CCDC186: variants seen among roughly 807,000 people sequenced by gnomAD.
CCDC186 encodes the protein coiled-coil domain containing 186.
Under a neutral mutation model 113.7 loss-of-function variants are expected in CCDC186, and 49 were observed. The observed-to-expected ratio is 0.43, with a 90% CI of 0.34 to 0.55. CCDC186 has a LOEUF of 0.55. Among genes scored for constraint, CCDC186 ranks in the 20% least tolerant of loss-of-function variants. The pLI, the probability that CCDC186 is intolerant of heterozygous loss-of-function variation, is 0.02. For missense variants in CCDC186, 890 were observed against 1,011.1 expected (o/e 0.88, Z 1.62); for synonymous variants, 355 against 345.8 (o/e 1.03, Z -0.30).
intron 2 of CCDC186, among the ~76,000 whole-genome samples, chr10:114,159,773 C>G (rs1037977831): frequency 6.6e-6 from 1 of 150,924 alleles, no homozygotes; most frequent in Non-Finnish European, 1.5e-5. Flanking sequence ...TGGGCAACAT[C>G]GTGAAACCCC....
chr10:114,139,120 G>C (rs1194493650), intron 6 of CCDC186, among the ~76,000 whole-genome samples: 2 of 151,872 alleles, frequency 1.3e-5, no homozygotes, highest in East Asian at 3.9e-4. Context: ...ACTACTATCT[G>C]TTGAATTAAT....
At chr10:114,173,298 A>C (rs2032571520) in intron 1 of CCDC186, 2 of 446,682 alleles carry the variant, frequency 4.5e-6, no homozygotes, top group Non-Finnish European at 9.0e-6. Flanking sequence ...TATTAGGTGA[A>C]GTTGTTAAAC....
chr10:114,158,669 T>C (rs2032080160), intron 2 of CCDC186, among the ~76,000 whole-genome samples: 3 of 152,092 alleles, frequency 2.0e-5, no homozygotes, highest in African/African-American at 4.8e-5. Context: ...ACTGCACTCC[T>C]GCCTGGGCAA....
chr10:114,128,891 T>C (rs1271070347), intron 13 of CCDC186, among the ~76,000 whole-genome samples: 2 of 152,162 alleles, frequency 1.3e-5, no homozygotes, highest in Admixed American at 1.3e-4. Context: ...TTCTTGGGTG[T>C]TAAAAGAAAA....
At position 114,137,261 on chromosome 10, in the gene CCDC186, T is replaced by A. The variant is rs1339033040; in HGVS notation, c.1251A>T (p.Thr417=). The part of the protein sequence containing the change: ...KETKDKLKET[T]TKLTQAKEEA... ...CTTCCTTTGCTTGTGTTAATTTTGT[T>A]GTTGTTTCTTTGAGTTTATCTTTGG... is the stretch of plus-strand genomic sequence containing the variant. The change falls in exon 7 of 16, where the codon ACA becomes ACT. Residue 417 remains threonine (T), a synonymous_variant. Transcript: ENST00000369287. The A allele has an allele frequency of 6.2e-7, 1 of 1,613,588 alleles. No homozygotes were observed. The highest frequency in any genetic ancestry group is 8.5e-7 in the Non-Finnish European group (1 of 1,179,976).
intron 1 of CCDC186, chr10:114,165,846 T>A: frequency 4.1e-6 from 1 of 246,028 alleles, no homozygotes; most frequent in Non-Finnish European, 4.7e-6. Context: ...AGACACTTTG[T>A]CTCAAAAAAA....
At chr10:114,130,420 T>C (rs1343823797) in intron 12 of CCDC186, 3 of 155,218 alleles carry the variant, frequency 1.9e-5, no homozygotes, top group African/African-American at 4.8e-5. Flanking sequence ...TGAGAAATAG[T>C]AGAGAATAGG....
At chr10:114,146,695 G>A (rs994898713) in intron 4 of CCDC186, among the ~76,000 whole-genome samples, 3 of 152,100 alleles carry the variant, frequency 2.0e-5, no homozygotes, top group Non-Finnish European at 4.4e-5. Flanking sequence ...TGCAAATATG[G>A]TGAAGCACAC....
At chr10:114,137,644 T>C (rs532627850) in intron 6 of CCDC186, among the ~76,000 whole-genome samples, 2 of 152,288 alleles carry the variant, frequency 1.3e-5, no homozygotes, top group East Asian at 3.9e-4. Flanking sequence ...GGCTCACGCC[T>C]GTAATTCCAG....
intron 1 of CCDC186, among the ~76,000 whole-genome samples, chr10:114,164,410 A>G (rs1027596531): frequency 6.6e-6 from 1 of 152,082 alleles, no homozygotes; most frequent in Non-Finnish European, 1.5e-5. Flanking sequence ...GGGGTGAGCC[A>G]CCGCACCCGG....
In CCDC186 at chr10:114,154,150, G is replaced by T. The variant is rs1228274058; in HGVS notation, c.760-2930C>A. On this transcript the variant is annotated intron_variant, in intron 3 of 15. Transcript: ENST00000369287. Reference sequence around the variant, plus strand: ...CACTTGAGCCTCATAGGTAGAGGTTGCAGTGAACCGAGATCGCAACATCGC... The same window carrying T: ...CACTTGAGCCTCATAGGTAGAGGTTTCAGTGAACCGAGATCGCAACATCGC... Among the ~76,000 whole-genome samples, 5 of 150,390 alleles carry T rather than the reference G, an allele frequency of 3.3e-5. No individual in the cohort carries two copies. The East Asian group carries it at 9.7e-4, about 29-fold the overall frequency.
chr10:114,125,261 A>G (rs1398015255), intron 15 of CCDC186, 35 bp from the exon 16 acceptor site: 2 of 1,434,648 alleles, frequency 1.4e-6, no homozygotes, highest in Non-Finnish European at 1.9e-6. Flanking sequence ...AGGGAAGAGA[A>G]AAACAAAAGT....
Position 114,157,650 on chromosome 10 carries a change from C to T in CCDC186, c.663G>A (p.Glu221=), listed in dbSNP as rs867395915. The T allele has an allele frequency of 1.9e-6, 3 of 1,596,774 alleles. No individual in the cohort carries two copies. Among genetic ancestry groups the T allele is most frequent in the African/African-American group, 1.4e-5 (1 of 73,842 alleles). Residue 221 remains glutamate (E), a synonymous_variant, in exon 3 of 16, where the codon GAG becomes GAA. Transcript: ENST00000369287. ...TTTCTGAACAAATGTCTACGAAGAG[C>T]TCCTGATGCTTCTTATTTTCTTTAA... ...KLIKENKKHQ[E]LFVDICSEKD...
At position 114,131,324 on chromosome 10, in the gene CCDC186, A is replaced by C; in HGVS notation, c.1924T>G (p.Leu642Val). Residue 642 changes from leucine (L) to valine (V), a missense_variant, in exon 12 of 16, where the codon TTG becomes GTG. Transcript: ENST00000369287. ...TCTTTTCGCAGTTCTTCCTCTTTCA[A>C]CAACCTACTTTCCTGAATAGTAAGT... The part of the protein sequence containing the change: ...QTNINLESRL[L>V]KEEELRKEEV... 6.3e-7 allele frequency: 1 copy of C among 1,579,872 alleles called. No homozygotes were observed. The highest frequency in any genetic ancestry group is 8.6e-7 in the Non-Finnish European group (1 of 1,167,164).
At chr10:114,132,615 G>A (rs1179171662) in intron 10 of CCDC186, among the ~76,000 whole-genome samples, 1 of 152,178 alleles carries the variant, frequency 6.6e-6, no homozygotes. Flanking sequence ...AACTGCCACA[G>A]ATATTACATG....
In CCDC186 at chr10:114,138,468, AT is replaced by A. The variant is rs2031354946; in HGVS notation, c.1222-1179del. Among the ~76,000 whole-genome samples the A allele has an allele frequency of 4.6e-5, 7 of 151,340 alleles. 1 individual carries two copies. The South Asian group carries it at 1.5e-3, about 32-fold the overall frequency. ...GCCACCACATTCAGCTAATTTTTGTATTTTTAGTAGAGATAGGTTTTGGCCA... is the reference window on the plus strand; with the variant it reads ...GCCACCACATTCAGCTAATTTTTGTATTTTAGTAGAGATAGGTTTTGGCCA... On this transcript the variant is annotated intron_variant, in intron 6 of 15. Transcript: ENST00000369287.
At chr10:114,162,532 G>C in intron 2 of CCDC186, 105 bp downstream of exon 2, 1 of 811,822 alleles carries the variant, frequency 1.2e-6, no homozygotes. Flanking sequence ...TGATTCTAAT[G>C]TGCAAGTAAA....
At chr10:114,156,235 T>C (rs1439374756) in intron 3 of CCDC186, among the ~76,000 whole-genome samples, 8 of 152,218 alleles carry the variant, frequency 5.3e-5, no homozygotes, top group Non-Finnish European at 1.0e-4. Flanking sequence ...AGTGAAAAAT[T>C]GTTTTACCAA....
At chr10:114,161,546 C>G (rs1024253735) in intron 2 of CCDC186, 37 of 152,122 alleles carry the variant, frequency 2.4e-4, no homozygotes, top group African/African-American at 8.7e-4. Flanking sequence ...AGAATAGGTA[C>G]AGGCTACAGG....
Sources: allele counts gnomAD v4.1 joint callset (sites outside exome capture counted in the v4.1 genomes callset), GRCh38; gene constraint gnomAD v4.1.1; transcripts MANE v1.5; gene names NCBI Gene and HGNC (gene_info 2026-07-23, HGNC 2026-07-21).